The following KIAA1210 variants were observed in gnomAD, a reference collection of about 807,000 sequenced individuals.
The protein encoded by KIAA1210 is acrosomal protein KIAA1210.
A neutral mutation model predicts 78.9 loss-of-function variants in KIAA1210; 48 were observed. That is an observed-to-expected ratio of 0.61 (90% CI 0.48 to 0.77). The LOEUF (loss-of-function observed/expected upper bound fraction) is 0.77, where lower values mean the gene tolerates loss of function less well. Ranked by LOEUF, KIAA1210 falls within the 30% of genes least tolerant of loss-of-function variation. The pLI is 0.00. For synonymous variants in KIAA1210, 406 were observed against 404.5 expected, an observed-to-expected ratio of 1.00 and a Z score of -0.04; for missense variants, 1,108 against 1,100.0, an observed-to-expected ratio of 1.01 and a Z score of -0.10.
At chrX:119,113,240 A>G (rs182343043) in intron 3 of KIAA1210, among the ~76,000 whole-genome samples, 1 of 111,277 alleles carries the variant, frequency 9.0e-6, no homozygotes, top group Non-Finnish European at 1.9e-5. Flanking sequence ...TGAGGTGATG[A>G]AAAAGTTCCA....
intron 10 of KIAA1210, among the ~76,000 whole-genome samples, chrX:119,084,864 C>A (rs1203997505): frequency 8.9e-6 from 1 of 112,122 alleles, no homozygotes; most frequent in East Asian, 2.8e-4. Flanking sequence ...TCTCTATGTT[C>A]ATGACTTTGC....
rs1481855657 is a variant in KIAA1210, at chrX:119,088,499, A to C, written c.2203T>G (p.Ser735Ala). The change falls in exon 9 of 12, where the codon TCC (serine) becomes GCC (alanine). Residue 735 changes from serine (S) to alanine (A), a missense_variant. Ser to Ala is a moderately conservative substitution (Grantham distance 99, BLOSUM62 1). Coordinates refer to ENST00000691062, the MANE Select transcript of KIAA1210 (RefSeq NM_001394962.1). ...ATAATGGGCTGAGAAGGGCATCTGG[A>C]AGGCAGCTGCTGCATAAAATCATTC... ...EQNDFMQQLP[S>A]RCPSQPIMNP... 1 of 1,211,047 alleles carries C rather than the reference A, an allele frequency of 8.3e-7. No homozygotes were observed. The highest frequency in any genetic ancestry group is 1.1e-6 in the Non-Finnish European group (1 of 895,222).
intron 11 of KIAA1210, among the ~76,000 whole-genome samples, 189 bp from the exon 12 acceptor site, chrX:119,081,693 T>A (rs948954182): frequency 8.9e-6 from 1 of 111,994 alleles, no homozygotes; most frequent in Non-Finnish European, 1.9e-5. Flanking sequence ...ATGCCATGGG[T>A]AGTATGTCAA....
intron 8 of KIAA1210, 88 bp from the exon 9 acceptor site, chrX:119,089,834 T>C: frequency 5.8e-6 from 5 of 858,342 alleles, no homozygotes; most frequent in Non-Finnish European, 8.1e-6. Flanking sequence ...CAGTGGTACC[T>C]ATTTGCTACT....
chrX:119,108,313 C>T lies in KIAA1210; in HGVS notation c.492+24G>A, dbSNP rs112947424. 2.2e-4 allele frequency: 263 copies of T among 1,191,801 alleles called. 1 individual carries two copies. In the African/African-American group the frequency reaches 3.0e-3, roughly 14 times the overall value. ...TGTCTTTCTGACTCAGCTGCCCATG[C>T]GCTGAACAATTCCACTTTGTTACCT... On this transcript the variant is annotated intron_variant, in intron 5 of 11. Coordinates refer to ENST00000691062, the MANE Select transcript of KIAA1210 (RefSeq NM_001394962.1).
intron 2 of KIAA1210, among the ~76,000 whole-genome samples, chrX:119,123,376 T>A (rs763413194): frequency 6.2e-5 from 7 of 112,273 alleles, no homozygotes; most frequent in Admixed American, 9.5e-5. Flanking sequence ...GTAACCATTT[T>A]CAAAGAAGAT....
rs746766077 is a variant in KIAA1210 at position 119,140,620 on chromosome X, C to CAAAGAGTT, written c.410+6852_410+6853insAACTCTTT. Among the ~76,000 whole-genome samples, 425 of 110,228 alleles carry CAAAGAGTT rather than the reference C, an allele frequency of 3.9e-3. 1 individual carries two copies. Among genetic ancestry groups the CAAAGAGTT allele is most frequent in the Non-Finnish European group, 6.3e-3 (333 of 52,788 alleles). ...TTCCTCCACTTCTAAAGAGAACTAC[C>CAAAGAGTT]TCATCCCAAAGAGTTTCCTCCTTCC... On this transcript the variant is annotated intron_variant, in intron 2 of 13. Transcript: ENST00000402510.
At position 119,088,661 on chromosome X, in the gene KIAA1210, C is replaced by T. The variant is rs1442279382; in HGVS notation, c.2041G>A (p.Val681Ile). The T allele has an allele frequency of 8.3e-7, 1 of 1,211,174 alleles. No individual in the cohort carries two copies. The highest frequency in any genetic ancestry group is 2.2e-5 in the Admixed American group (1 of 46,019). The change falls in exon 9 of 12, where the codon GTT becomes ATT. Residue 681 changes from valine to isoleucine, a missense_variant. By Grantham distance (29) the Val-to-Ile change is conservative. This residue lies in a region of KIAA1210 where 672 missense variants were observed against 607.1 expected (regional missense o/e 1.11). Coordinates refer to ENST00000691062, the MANE Select transcript of KIAA1210 (RefSeq NM_001394962.1). ...AEVFTESSSY[V>I]EKYNTSDDCS... Reference sequence around the variant, plus strand: ...TCATCAGAAGTGTTGTACTTTTCAACATAACTGCTTGATTCTGTGAAGACT... The same window carrying T: ...TCATCAGAAGTGTTGTACTTTTCAATATAACTGCTTGATTCTGTGAAGACT...
Position 119,082,977 on chromosome X carries a change from G to A in KIAA1210, c.4426+38C>T, listed in dbSNP as rs764382290. 2.5e-5 allele frequency: 24 copies of A among 952,380 alleles called. No individual in the cohort carries two copies. The East Asian group carries it at 3.5e-4, about 14-fold the overall frequency. 78.5% of individuals were successfully genotyped at this position (952,380 alleles called of 1,213,427 possible). ...TGCAAAAGTTTTACAACATTCTGTC[G>A]GGGCTGTTTTTTGAGAGGTCAGAAT... On this transcript the variant is annotated intron_variant, in intron 11 of 11. Transcript: ENST00000691062.
intron 8 of KIAA1210, among the ~76,000 whole-genome samples, chrX:119,090,270 TA>T (rs1011964743): frequency 8.2e-5 from 9 of 109,920 alleles, no homozygotes; most frequent in Admixed American, 2.9e-4. Flanking sequence ...GGTTCTATTT[TA>T]CACTCTACCC....
chrX:119,102,336 C>T (rs986769027), intron 6 of KIAA1210, among the ~76,000 whole-genome samples: 3 of 112,316 alleles, frequency 2.7e-5, no homozygotes, highest in African/African-American at 9.7e-5. Context: ...GCATTATGTT[C>T]TCCTTTGATG....
chrX:119,124,794 C>A (rs567434062), intron 1 of KIAA1210, among the ~76,000 whole-genome samples: 1 of 109,597 alleles, frequency 9.1e-6, no homozygotes, highest in Non-Finnish European at 1.9e-5. Flanking sequence ...GAGGCTGAGG[C>A]GGGAGGATCA....
exon 2 of KIAA1210, chrX:119,147,578 C>T (rs779696176): frequency 8.3e-6 from 10 of 1,210,217 alleles, no homozygotes; most frequent in Non-Finnish European, 1.1e-5. Flanking sequence ...TGCAGTGCCA[C>T]AAAAGCATCC....
chrX:119,138,211 GTTTTTTTTTT>G (rs759946882), intron 2 of KIAA1210, among the ~76,000 whole-genome samples: 1 of 47,831 alleles, frequency 2.1e-5, no homozygotes, highest in Non-Finnish European at 3.4e-5. Flanking sequence ...TGGTTTGGTT[GTTTTTTTTTT>G]TTTTTTTTTT....
chrX:119,109,125 G>T lies in KIAA1210; in HGVS notation c.308C>A (p.Ala103Glu). The change falls in exon 4 of 12, where the codon GCA becomes GAA. Residue 103 changes from alanine to glutamate, a missense_variant. Physicochemically the swap from Ala to Glu is moderately radical, Grantham distance 107. Around this residue, in one of 5 missense-constraint regions of KIAA1210, gnomAD observed 672 missense variants for 607.1 expected, o/e 1.11. Coordinates refer to ENST00000691062, the MANE Select transcript of KIAA1210 (RefSeq NM_001394962.1). The stretch of plus-strand genomic sequence containing the variant: ...ATCCATAGAAGGAAACATTTTACTT[G>T]CTGATCTTTCAGGCTCAGGACCCAA... ...FMLGPEPERS[A>E]SKMFPSMDPQ... is the part of the protein sequence containing the mutation. The T allele has an allele frequency of 8.3e-7, 1 of 1,208,664 alleles. No homozygotes were observed. Among genetic ancestry groups the T allele is most frequent in the South Asian group, 1.8e-5 (1 of 56,646 alleles).
Position 119,081,224 on chromosome X carries a change from G to T in KIAA1210, c.*105C>A. On this transcript the variant is annotated 3_prime_UTR_variant, in exon 12 of 12. Transcript: ENST00000691062. ...GGAGCTTGCAGTGAGCGGAGATCGC[G>T]CCACTGCACTCCAATCTGGGTAACA... The T allele has an allele frequency of 1.6e-6, 1 of 634,494 alleles. No individual in the cohort carries two copies. Among genetic ancestry groups the T allele is most frequent in the Non-Finnish European group, 2.2e-6 (1 of 457,809 alleles). 52.3% of individuals were successfully genotyped at this position (634,494 alleles called of 1,213,427 possible).
At position 119,086,906 on chromosome X, in the gene KIAA1210, T is replaced by A; in HGVS notation, c.3796A>T (p.Thr1266Ser). The A allele has an allele frequency of 8.3e-7, 1 of 1,211,270 alleles. No homozygotes were observed. The highest frequency in any genetic ancestry group is 1.1e-6 in the Non-Finnish European group (1 of 895,261). Residue 1266 changes from threonine (T) to serine (S), a missense_variant, in exon 9 of 12, where the codon ACT becomes TCT. Thr to Ser is a moderately conservative substitution (Grantham distance 58). This residue lies in a region of KIAA1210 where 245 missense variants were observed against 278.8 expected (regional missense o/e 0.88). Coordinates refer to ENST00000691062, the MANE Select transcript of KIAA1210 (RefSeq NM_001394962.1). ...TTCTTAGAGTAAATGCCCCCAGAAG[T>A]GGATGTTTGCCTGACAGGAGCAATG... is the stretch of plus-strand genomic sequence containing the variant. ...FTIAPVRQTS[T>S]SGGIYSKKED...
intron 6 of KIAA1210, among the ~76,000 whole-genome samples, chrX:119,102,047 G>A (rs1248761908): frequency 2.7e-5 from 3 of 112,780 alleles, no homozygotes; most frequent in Non-Finnish European, 5.6e-5. Context: ...CGTTGCTATT[G>A]CTGGGCATTG....
At chrX:119,089,820 G>C in intron 8 of KIAA1210, 74 bp from the exon 9 acceptor site, 2 of 977,647 alleles carry the variant, frequency 2.0e-6, no homozygotes, top group African/African-American at 3.8e-5. Flanking sequence ...ACTGTGCCCT[G>C]GCCCAGTGGT....
Sources: allele counts gnomAD v4.1 joint callset (sites outside exome capture counted in the v4.1 genomes callset), GRCh38; gene constraint gnomAD v4.1.1; regional missense constraint gnomAD v4.1.1; transcripts MANE v1.5; gene names NCBI Gene and HGNC (gene_info 2026-07-23, HGNC 2026-07-21).